Variants in MAP4K4 observed in about 807,000 individuals in gnomAD.
The protein encoded by MAP4K4 is HPK/GCK-like kinase HGK.
In MAP4K4, 38 loss-of-function variants were observed where a neutral mutation model predicts 189.6. That is an observed-to-expected ratio of 0.20 (90% CI 0.15 to 0.26). MAP4K4 has a LOEUF of 0.26. Among genes scored for constraint, MAP4K4 ranks in the 10% least tolerant of loss-of-function variants. MAP4K4 has a pLI of 1.00. For missense variants in MAP4K4, 1,054 were observed against 1,726.9 expected (o/e 0.61, Z 6.91); for synonymous variants, 610 against 624.3 (o/e 0.98, Z 0.34).
At chr2:101,796,886 C>T (rs530627469) in intron 3 of MAP4K4, among the ~76,000 whole-genome samples, 9 of 152,276 alleles carry the variant, frequency 5.9e-5, no homozygotes, top group Admixed American at 5.9e-4. Flanking sequence ...CTTCCTAGAG[C>T]AGCCAAGTAA....
intron 2 of MAP4K4, among the ~76,000 whole-genome samples, chr2:101,715,075 A>G (rs939153532): frequency 7.2e-5 from 11 of 152,308 alleles, no homozygotes; most frequent in African/African-American, 2.2e-4. Flanking sequence ...CTTCAGTAAT[A>G]TAAGTCATTT....
At chr2:101,715,214 G>A (rs2047768478) in intron 2 of MAP4K4, among the ~76,000 whole-genome samples, 1 of 152,174 alleles carries the variant, frequency 6.6e-6, no homozygotes, top group East Asian at 1.9e-4. Flanking sequence ...CCTCCCTGGT[G>A]TCTGTGTCCA....
At chr2:101,868,226 G>A (rs1431794003) in intron 21 of MAP4K4, among the ~76,000 whole-genome samples, 189 bp downstream of exon 21, 1 of 152,148 alleles carries the variant, frequency 6.6e-6, no homozygotes, top group African/African-American at 2.4e-5. Flanking sequence ...GTTATTAAAT[G>A]TAGCTTTTTT....
chr2:101,746,000 G>T (rs139795889), intron 2 of MAP4K4, among the ~76,000 whole-genome samples: 3,040 of 147,938 alleles, frequency 0.021, 108 homozygotes, highest in African/African-American at 0.074. Context: ...GTGTGTGTGT[G>T]TGTGTGTTTT....
chr2:101,894,476 AG>A (rs755638517), exon 33 of MAP4K4: 1 of 152,790 alleles, frequency 6.5e-6, no homozygotes, highest in South Asian at 2.1e-4. Flanking sequence ...TCTTAGTTGT[AG>A]CACACTTACC....
intron 27 of MAP4K4, among the ~76,000 whole-genome samples, chr2:101,879,053 G>C (rs1428792528): frequency 1.3e-5 from 2 of 151,974 alleles, no homozygotes. Flanking sequence ...GCTGAGACCA[G>C]GTGCGGTGGC....
At chr2:101,720,349 T>A (rs1485715481) in intron 2 of MAP4K4, among the ~76,000 whole-genome samples, 1 of 152,034 alleles carries the variant, frequency 6.6e-6, no homozygotes, top group Admixed American at 6.5e-5. Flanking sequence ...AATTTTTTTG[T>A]ATTTTTAGTA....
intron 5 of MAP4K4, among the ~76,000 whole-genome samples, chr2:101,827,063 T>G (rs1234745496): frequency 6.6e-6 from 1 of 152,158 alleles, no homozygotes. Context: ...CTTACATGTG[T>G]TTCTATACCC....
intron 24 of MAP4K4, among the ~76,000 whole-genome samples, chr2:101,872,175 G>GT (rs2098053743): frequency 2.0e-5 from 3 of 147,424 alleles, no homozygotes; most frequent in Non-Finnish European, 3.0e-5. Flanking sequence ...TTTTTTTCTT[G>GT]TTTGGGGGGT....
At chr2:101,751,953 A>G (rs970987630) in intron 2 of MAP4K4, among the ~76,000 whole-genome samples, 5 of 152,240 alleles carry the variant, frequency 3.3e-5, no homozygotes, top group African/African-American at 9.6e-5. Context: ...CTGTCATTCT[A>G]CTGTTTCCTT....
chr2:101,750,654 G>GTATA (rs202184027), intron 2 of MAP4K4, among the ~76,000 whole-genome samples: 5 of 151,148 alleles, frequency 3.3e-5, no homozygotes, highest in African/African-American at 1.2e-4. Context: ...AAAACTTAAA[G>GTATA]TATATATATA....
rs181039803 is a variant in MAP4K4, at chr2:101,889,746, G to A, written c.4071+811G>A. On this transcript the variant is annotated intron_variant, in intron 32 of 32. Coordinates refer to ENST00000324219, the Ensembl canonical transcript of MAP4K4. ...CCTGAAGAACGTTTCCACCTTTTGC[G>A]TCACATTGACAGACTAGCAGTCAGC... Among the ~76,000 whole-genome samples the A allele has an allele frequency of 3.0e-3, 461 of 152,248 alleles. 2 individuals carry two copies. The highest frequency in any genetic ancestry group is 0.011 in the African/African-American group (442 of 41,512).
rs765726003 is a variant in MAP4K4 at position 101,868,009 on chromosome 2, G to A, written c.2455-20G>A. 12 of 1,613,112 alleles carry A rather than the reference G, an allele frequency of 7.4e-6. No individual in the cohort carries two copies. The highest frequency in any genetic ancestry group is 4.5e-5 in the East Asian group (2 of 44,874). ...TCAACGATGGCTTCTCGGACTCCAC[G>A]AAACTGCGCTGTACTGAAGGGCGAA... On this transcript the variant is annotated intron_variant, in intron 20 of 32. Coordinates refer to ENST00000324219, the Ensembl canonical transcript of MAP4K4.
At chr2:101,890,306 T>A (rs1359467954) in intron 32 of MAP4K4, among the ~76,000 whole-genome samples, 1 of 152,176 alleles carries the variant, frequency 6.6e-6, no homozygotes, top group East Asian at 1.9e-4. Flanking sequence ...TTCAGAAACA[T>A]CCATTTTTTT....
At chr2:101,802,730 G>A (rs1321063556) in intron 3 of MAP4K4, among the ~76,000 whole-genome samples, 1 of 151,802 alleles carries the variant, frequency 6.6e-6, no homozygotes, top group Non-Finnish European at 1.5e-5. Flanking sequence ...CCTCCACCAT[G>A]CCACTAACTG....
At chr2:101,834,607 T>G in intron 8 of MAP4K4, 144 bp downstream of exon 8, 1 of 650,550 alleles carries the variant, frequency 1.5e-6, no homozygotes, top group Non-Finnish European at 2.7e-6. Flanking sequence ...TATAGTCAAG[T>G]TTTAGATGTA....
chr2:101,719,026 G>C (rs951042417), intron 2 of MAP4K4, among the ~76,000 whole-genome samples: 1 of 152,204 alleles, frequency 6.6e-6, no homozygotes, highest in African/African-American at 2.4e-5. Flanking sequence ...TTTGTGAACA[G>C]ATTACAACTT....
At position 101,825,220 on chromosome 2, in the gene MAP4K4, G is replaced by A. The variant is rs80141925; in HGVS notation, c.307-99G>A. 2.3e-3 allele frequency: 1,514 copies of A among 648,408 alleles called. 43 individuals are homozygous for A. The East Asian group carries it at 0.04, about 17-fold the overall frequency. 40.2% of individuals were successfully genotyped at this position (648,408 alleles called of 1,614,324 possible). A position where few individuals can be genotyped will look rare whatever the true frequency, so the allele number is the denominator to read the frequency against. On this transcript the variant is annotated intron_variant, in intron 4 of 32. Transcript: ENST00000324219. ...ATTATGAATTATTGAGGAGCATCAC[G>A]TTTCTAGGTCTTTAGAAAAGAGAGG...
At chr2:101,859,902 A>G (rs1020095236) in intron 15 of MAP4K4, 38 bp downstream of exon 15, 2 of 1,551,124 alleles carry the variant, frequency 1.3e-6, no homozygotes, top group East Asian at 2.4e-5. Flanking sequence ...ATTGCCCTGG[A>G]AAGTCGTATA....
Sources: allele counts gnomAD v4.1 joint callset (sites outside exome capture counted in the v4.1 genomes callset), GRCh38; gene constraint gnomAD v4.1.1; transcripts MANE v1.5; gene names NCBI Gene and HGNC (gene_info 2026-07-23, HGNC 2026-07-21).